The following C11orf87 variants were observed in gnomAD, a reference collection of about 807,000 sequenced individuals.
C11orf87 encodes the protein chromosome 11 open reading frame 87.
C11orf87 carries 3 observed loss-of-function variants against 9.2 expected under a neutral mutation model. The observed-to-expected ratio is 0.33, with a 90% CI of 0.15 to 0.84. C11orf87 has a LOEUF of 0.84. C11orf87 is among the 40% of genes least tolerant of loss of function. C11orf87 has a pLI of 0.55. For missense variants in C11orf87, 256 were observed against 270.7 expected (o/e 0.95, Z 0.38); for synonymous variants, 124 against 124.6 (o/e 1.00, Z 0.03).
In C11orf87 at chr11:109,423,912, G is replaced by T. The variant is rs766465906; in HGVS notation, c.279G>T (p.Lys93Asn). ...ACAAGCGTAGGATGAAGAAGCGGAA[G>T]ATGCAGAGGGCTCAGGAGGAATATG... ...HIHKRRMKKR[K>N]MQRAQEEYER... The change falls in exon 2 of 2, where the codon AAG (lysine) becomes AAT (asparagine). Residue 93 changes from lysine to asparagine, a missense_variant. By Grantham distance (94) the Lys-to-Asn change is moderately conservative. Transcript: ENST00000327419. This position sits in a 1 kb window ranked among gnomAD's most constrained non-coding sequence, Gnocchi z 5.3. 1 of 1,614,140 alleles carries T rather than the reference G, an allele frequency of 6.2e-7. No individual in the cohort carries two copies. Among genetic ancestry groups the T allele is most frequent in the Non-Finnish European group, 8.5e-7 (1 of 1,179,964 alleles).
rs368602277 is a variant in C11orf87 at position 109,422,782 on chromosome 11, G to A, written c.-260+519G>A. Among the ~76,000 whole-genome samples the A allele has an allele frequency of 1.8e-4, 26 of 146,094 alleles. 1 individual carries two copies. In the East Asian group the frequency reaches 1.8e-3, roughly 10 times the overall value. On this transcript the variant is annotated intron_variant, in intron 1 of 1. Transcript: ENST00000327419. ...GAGAATACCAGGGAAGAAGGCTGGA[G>A]AAGAGATGGAGCGCGTTCCTGCGCG...
In C11orf87 at chr11:109,424,765, C is replaced by T. The variant is rs1565250804; in HGVS notation, c.*538C>T. 2 of 167,074 alleles carry T rather than the reference C, an allele frequency of 1.2e-5. No homozygotes were observed. The highest frequency in any genetic ancestry group is 2.9e-5 in the Non-Finnish European group (2 of 68,188). The allele number at this position is 167,074 out of a possible 1,614,324, so 10.3% of individuals were successfully genotyped here. ...TTTCCTCCCCATTCCCACCCTCAGC[C>T]GGGCTCAGGCAATAGTATATTATAA... On this transcript the variant is annotated 3_prime_UTR_variant, in exon 2 of 2. Coordinates refer to ENST00000327419, the MANE Select transcript of C11orf87 (RefSeq NM_207645.4). This position sits in a 1 kb window ranked among gnomAD's most constrained non-coding sequence, Gnocchi z 4.7.
Position 109,428,963 on chromosome 11 carries a change from T to C in C11orf87, c.*4736T>C, listed in dbSNP as rs1050094200. 6.6e-6 allele frequency: 1 copy of C among 152,136 alleles called. No individual in the cohort carries two copies. Among genetic ancestry groups the C allele is most frequent in the African/African-American group, 2.4e-5 (1 of 41,438 alleles). 9.4% of individuals were successfully genotyped at this position (152,136 alleles called of 1,614,324 possible). A position where few individuals can be genotyped will look rare whatever the true frequency, so the allele number is the denominator to read the frequency against. ...TTGTGATTACAAGGGATTGTTTCTATAGAGAGATGAACAGCAACAACAGTG... is the reference window on the plus strand; with the variant it reads ...TTGTGATTACAAGGGATTGTTTCTACAGAGAGATGAACAGCAACAACAGTG... On this transcript the variant is annotated 3_prime_UTR_variant, in exon 2 of 2. Coordinates refer to ENST00000327419, the MANE Select transcript of C11orf87 (RefSeq NM_207645.4).
chr11:109,422,276 G>A lies in C11orf87; in HGVS notation c.-260+13G>A, dbSNP rs958742706. ...GCCGGCGGTCCAGGTAAGAGACAAGGTGTGAGTAAAGGCTTCTGATGGCCG... is the reference window on the plus strand; with the variant it reads ...GCCGGCGGTCCAGGTAAGAGACAAGATGTGAGTAAAGGCTTCTGATGGCCG... On this transcript the variant is annotated intron_variant, in intron 1 of 1. Transcript: ENST00000327419. 1 of 182,678 alleles carries A rather than the reference G, an allele frequency of 5.5e-6. No homozygotes were observed. Among genetic ancestry groups the A allele is most frequent in the East Asian group, 1.8e-4 (1 of 5,464 alleles). 11.3% of individuals were successfully genotyped at this position (182,678 alleles called of 1,614,324 possible). A position where few individuals can be genotyped will look rare whatever the true frequency, so the allele number is the denominator to read the frequency against.
At chr11:109,422,942 TACCCGGAGCCCGCGCGGCG>T (rs1456904893) in intron 1 of C11orf87, among the ~76,000 whole-genome samples, 1 of 151,542 alleles carries the variant, frequency 6.6e-6, no homozygotes, top group East Asian at 2.0e-4. Context: ...GAGGACTGCG[TACCCGGAGCCCGCGCGGCG>T]GCCCGGAGTG....
intron 1 of C11orf87, among the ~76,000 whole-genome samples, chr11:109,422,722 C>CTT (rs772868114): frequency 0.013 from 920 of 71,420 alleles, 128 homozygotes; most frequent in African/African-American, 0.047. Flanking sequence ...GCTTCAGCTG[C>CTT]TTTTTTTTTT....
rs776485266 is a variant in C11orf87, at chr11:109,423,955, G to A, written c.322G>A (p.Gly108Ser). The A allele has an allele frequency of 2.5e-6, 4 of 1,613,996 alleles. No individual in the cohort carries two copies. Among genetic ancestry groups the A allele is most frequent in the Non-Finnish European group, 3.4e-6 (4 of 1,179,862 alleles). Reference protein sequence around the residue: ...QEEYERDHCSGSRGGGGLPRP... With the variant: ...QEEYERDHCSSSRGGGGLPRP... ...GGAATATGAGCGGGATCACTGCAGC[G>A]GCAGCCGCGGTGGCGGGGGGCTGCC... Residue 108 changes from glycine to serine, a missense_variant, in exon 2 of 2, where the codon GGC becomes AGC. Gly to Ser is a moderately conservative substitution (Grantham distance 56). Transcript: ENST00000327419. This position sits in a 1 kb window ranked among gnomAD's most constrained non-coding sequence, Gnocchi z 5.3.
chr11:109,426,036 A>C lies in C11orf87; in HGVS notation c.*1809A>C, dbSNP rs1860568771. On this transcript the variant is annotated 3_prime_UTR_variant, in exon 2 of 2. Transcript: ENST00000327419. ...ATTTTATTATTTTCTAATGCCAGAC[A>C]AGGCCATCTATGTTAGAAATGGAAG... 2 of 152,252 alleles carry C rather than the reference A, an allele frequency of 1.3e-5. No individual in the cohort carries two copies. Among genetic ancestry groups the C allele is most frequent in the African/African-American group, 4.8e-5 (2 of 41,476 alleles). 9.4% of individuals were successfully genotyped at this position (152,252 alleles called of 1,614,324 possible).
rs1860551229 is a variant in C11orf87, at chr11:109,424,986, T to C, written c.*759T>C. On this transcript the variant is annotated 3_prime_UTR_variant, in exon 2 of 2. Transcript: ENST00000327419. This position sits in a 1 kb window ranked among gnomAD's most constrained non-coding sequence, Gnocchi z 4.7. ...GCCGAGCATAAGTACGTTAAAATCTTTAAATGAGTTTTTTTTAAAAAGCTA... is the reference window on the plus strand; with the variant it reads ...GCCGAGCATAAGTACGTTAAAATCTCTAAATGAGTTTTTTTTAAAAAGCTA... 6.0e-6 allele frequency: 1 copy of C among 167,224 alleles called. No homozygotes were observed. The highest frequency in any genetic ancestry group is 1.5e-5 in the Non-Finnish European group (1 of 68,128). 10.4% of individuals were successfully genotyped at this position (167,224 alleles called of 1,614,324 possible).
Position 109,423,467 on chromosome 11 carries a change from C to T in C11orf87, c.-167C>T. Reference sequence around the variant, plus strand: ...CGGGCGCCGCTCACTCCTTGGTCGCCTTGCTTGCCAGCAGTTGCTCCCTTA... The same window carrying T: ...CGGGCGCCGCTCACTCCTTGGTCGCTTTGCTTGCCAGCAGTTGCTCCCTTA... On this transcript the variant is annotated 5_prime_UTR_variant, in exon 2 of 2. Transcript: ENST00000327419. This position sits in a 1 kb window ranked among gnomAD's most constrained non-coding sequence, Gnocchi z 5.3. 1.5e-6 allele frequency: 1 copy of T among 672,544 alleles called. No individual in the cohort carries two copies. The highest frequency in any genetic ancestry group is 1.8e-5 in the African/African-American group (1 of 55,292). The allele number at this position is 672,544 out of a possible 1,614,324, so 41.7% of individuals were successfully genotyped here.
At position 109,427,042 on chromosome 11, in the gene C11orf87, C is replaced by T. The variant is rs899875652; in HGVS notation, c.*2815C>T. 6.6e-6 allele frequency: 1 copy of T among 152,134 alleles called. No homozygotes were observed. Among genetic ancestry groups the T allele is most frequent in the Non-Finnish European group, 1.5e-5 (1 of 68,008 alleles). The allele number at this position is 152,134 out of a possible 1,614,324, so 9.4% of individuals were successfully genotyped here. ...AAGGCATGCAATAATAATCCCCTTCCAAGGAGCAGCCTGTACACTCTGTGG... is the reference window on the plus strand; with the variant it reads ...AAGGCATGCAATAATAATCCCCTTCTAAGGAGCAGCCTGTACACTCTGTGG... On this transcript the variant is annotated 3_prime_UTR_variant, in exon 2 of 2. Coordinates refer to ENST00000327419, the MANE Select transcript of C11orf87 (RefSeq NM_207645.4).
chr11:109,427,700 T>C lies in C11orf87; in HGVS notation c.*3473T>C, dbSNP rs1033467527. On this transcript the variant is annotated 3_prime_UTR_variant, in exon 2 of 2. Coordinates refer to ENST00000327419, the MANE Select transcript of C11orf87 (RefSeq NM_207645.4). Reference sequence around the variant, plus strand: ...AATAAGGTGGCATGCTTGATTCTTATTGTTTTTAAAAATGAGAAAATTTGG... The same window carrying C: ...AATAAGGTGGCATGCTTGATTCTTACTGTTTTTAAAAATGAGAAAATTTGG... The C allele has an allele frequency of 2.0e-4, 31 of 152,188 alleles. No individual in the cohort carries two copies. Among genetic ancestry groups the C allele is most frequent in the Admixed American group, 1.9e-3 (29 of 15,286 alleles). 9.4% of individuals were successfully genotyped at this position (152,188 alleles called of 1,614,324 possible).
Position 109,423,477 on chromosome 11 carries a change from A to G in C11orf87, c.-157A>G. 1.4e-6 allele frequency: 1 copy of G among 714,186 alleles called. No individual in the cohort carries two copies. Among genetic ancestry groups the G allele is most frequent in the Non-Finnish European group, 2.3e-6 (1 of 444,086 alleles). The allele number at this position is 714,186 out of a possible 1,614,324, so 44.2% of individuals were successfully genotyped here. A position where few individuals can be genotyped will look rare whatever the true frequency, so the allele number is the denominator to read the frequency against. On this transcript the variant is annotated 5_prime_UTR_variant, in exon 2 of 2. Coordinates refer to ENST00000327419, the MANE Select transcript of C11orf87 (RefSeq NM_207645.4). The surrounding 1 kb of genome is among the most constrained non-coding windows in gnomAD (Gnocchi z 5.3). ...TCACTCCTTGGTCGCCTTGCTTGCC[A>G]GCAGTTGCTCCCTTAGTCCTTGGCT...
rs533757503 is a variant in C11orf87, at chr11:109,424,966, G to A, written c.*739G>A. ...TTTTAAAATGACCCTCGCTGGCCGA[G>A]CATAAGTACGTTAAAATCTTTAAAT... On this transcript the variant is annotated 3_prime_UTR_variant, in exon 2 of 2. Coordinates refer to ENST00000327419, the MANE Select transcript of C11orf87 (RefSeq NM_207645.4). The surrounding 1 kb of genome is among the most constrained non-coding windows in gnomAD (Gnocchi z 4.7). 2.6e-4 allele frequency: 43 copies of A among 167,254 alleles called. No homozygotes were observed. The highest frequency in any genetic ancestry group is 9.4e-4 in the African/African-American group (39 of 41,582). 10.4% of individuals were successfully genotyped at this position (167,254 alleles called of 1,614,324 possible).
intron 1 of C11orf87, among the ~76,000 whole-genome samples, chr11:109,422,824 A>G (rs1860511011): frequency 7.2e-6 from 1 of 137,942 alleles, no homozygotes; most frequent in Non-Finnish European, 1.5e-5. Context: ...GCGGTCGCGG[A>G]CAGAGGCAGA....
At position 109,427,729 on chromosome 11, in the gene C11orf87, G is replaced by A. The variant is rs1037061302; in HGVS notation, c.*3502G>A. 6.6e-6 allele frequency: 1 copy of A among 152,080 alleles called. No homozygotes were observed. The highest frequency in any genetic ancestry group is 6.6e-5 in the Admixed American group (1 of 15,262). The allele number at this position is 152,080 out of a possible 1,614,324, so 9.4% of individuals were successfully genotyped here. A position where few individuals can be genotyped will look rare whatever the true frequency, so the allele number is the denominator to read the frequency against. ...TTTTAAAAATGAGAAAATTTGGAGA[G>A]AGAATACTATTATGTCAACGGTACA... On this transcript the variant is annotated 3_prime_UTR_variant, in exon 2 of 2. Transcript: ENST00000327419.
At chr11:109,422,416 G>C (rs1591273386) in intron 1 of C11orf87, among the ~76,000 whole-genome samples, 153 bp downstream of exon 1, 2 of 152,340 alleles carry the variant, frequency 1.3e-5, no homozygotes, top group African/African-American at 4.8e-5. Context: ...TGGCTTGCTT[G>C]CGCGCTACCT....
At position 109,427,529 on chromosome 11, in the gene C11orf87, A is replaced by G. The variant is rs1860589492; in HGVS notation, c.*3302A>G. On this transcript the variant is annotated 3_prime_UTR_variant, in exon 2 of 2. Transcript: ENST00000327419. ...GAGCTTGGGATGCTACCAACAGGGC[A>G]TTTAGGTTTTCATTTTTATGAAACA... 1 of 152,170 alleles carries G rather than the reference A, an allele frequency of 6.6e-6. No individual in the cohort carries two copies. The highest frequency in any genetic ancestry group is 1.5e-5 in the Non-Finnish European group (1 of 68,008). 9.4% of individuals were successfully genotyped at this position (152,170 alleles called of 1,614,324 possible).
rs1164236003 is a variant in C11orf87, at chr11:109,423,393, G to C, written c.-241G>C. ...TTTGCAGCCTGGTGCCTCTGCAAAG[G>C]AAAGGGGAGCGTGGAGACGTGTTCG... On this transcript the variant is annotated 5_prime_UTR_variant, in exon 2 of 2. Coordinates refer to ENST00000327419, the MANE Select transcript of C11orf87 (RefSeq NM_207645.4). The surrounding 1 kb of genome is among the most constrained non-coding windows in gnomAD (Gnocchi z 5.3). 2 of 572,432 alleles carry C rather than the reference G, an allele frequency of 3.5e-6. No homozygotes were observed. The highest frequency in any genetic ancestry group is 1.9e-5 in the African/African-American group (1 of 52,932). The allele number at this position is 572,432 out of a possible 1,614,324, so 35.5% of individuals were successfully genotyped here.
Sources: allele counts gnomAD v4.1 joint callset (sites outside exome capture counted in the v4.1 genomes callset), GRCh38; gene constraint gnomAD v4.1.1; non-coding constraint Gnocchi (gnomAD v3.1); transcripts MANE v1.5; gene names NCBI Gene and HGNC (gene_info 2026-07-23, HGNC 2026-07-21).